Variants in SCARA3 observed in about 807,000 individuals in gnomAD.
SCARA3 encodes cellular stress response gene protein.
In SCARA3, 39 loss-of-function variants were observed where a neutral mutation model predicts 47.0. That is an observed-to-expected ratio of 0.83 (90% CI 0.64 to 1.08). The LOEUF (loss-of-function observed/expected upper bound fraction) is 1.08. Ranked by LOEUF, SCARA3 falls within the 50% of genes least tolerant of loss-of-function variation. SCARA3 has a pLI of 0.00. For synonymous variants in SCARA3, 356 were observed against 334.1 expected, an observed-to-expected ratio of 1.07 and a Z score of -0.71; for missense variants, 724 against 792.3, an observed-to-expected ratio of 0.91 and a Z score of 1.04.
chr8:27,647,356 G>A (rs1276194045), intron 1 of SCARA3, among the ~76,000 whole-genome samples: 5 of 152,120 alleles, frequency 3.3e-5, no homozygotes, highest in South Asian at 4.1e-4. Flanking sequence ...ATGTGAGAGC[G>A]CTTTCAAAGT....
chr8:27,700,855 C>T, the SCARA3 span, among the ~76,000 whole-genome samples: 2 of 152,112 alleles, frequency 1.3e-5, no homozygotes, highest in African/African-American at 4.8e-5. Flanking sequence ...GTGGTACAAC[C>T]CTTTTGGAAA....
downstream of SCARA3, among the ~76,000 whole-genome samples, chr8:27,676,316 C>T (rs760606293): frequency 2.0e-5 from 3 of 152,310 alleles, no homozygotes; most frequent in South Asian, 2.1e-4. Context: ...CTGGGTTTCC[C>T]GGTTCCAGCT....
At position 27,672,053 on chromosome 8, in the gene SCARA3, C is replaced by T. The variant is rs1802179004; in HGVS notation, c.*702C>T. The T allele has an allele frequency of 1.0e-6, 1 of 985,278 alleles. No individual in the cohort carries two copies. The highest frequency in any genetic ancestry group is 6.2e-5 in the Admixed American group (1 of 16,258). 61.0% of individuals were successfully genotyped at this position (985,278 alleles called of 1,614,324 possible). On this transcript the variant is annotated 3_prime_UTR_variant, in exon 6 of 6. Coordinates refer to ENST00000301904, the MANE Select transcript of SCARA3 (RefSeq NM_016240.3). The stretch of plus-strand genomic sequence containing the variant: ...GGAAACCTTTGCGGGTGGGGCGTTA[C>T]TGCCAAAACTCCAGAGGCAAAGTGG...
chr8:27,650,669 G>A (rs535261824), intron 2 of SCARA3, among the ~76,000 whole-genome samples: 9 of 152,286 alleles, frequency 5.9e-5, no homozygotes, highest in African/African-American at 1.9e-4. Flanking sequence ...TCGCAGCTGG[G>A]CCATCACTGC....
At chr8:27,674,307 TTGAG>T (rs1160577312), downstream of SCARA3, among the ~76,000 whole-genome samples, 1 of 152,204 alleles carries the variant, frequency 6.6e-6, no homozygotes, top group Admixed American at 6.5e-5. Flanking sequence ...GAGTGGGTGA[TTGAG>T]TGAGTTCCAT....
At chr8:27,649,575 C>T (rs186959841) in intron 1 of SCARA3, 127 bp from the exon 2 acceptor site, 2 of 857,952 alleles carry the variant, frequency 2.3e-6, no homozygotes, top group East Asian at 5.1e-5. Context: ...TTACATCAGG[C>T]CACCTGGAGC....
intron 5 of SCARA3, among the ~76,000 whole-genome samples, chr8:27,667,090 C>G (rs1229783983): frequency 6.6e-6 from 1 of 152,228 alleles, no homozygotes; most frequent in Non-Finnish European, 1.5e-5. Flanking sequence ...TCTAGCCCTT[C>G]TCTCCTCTGC....
rs889410385 is a variant in SCARA3 at position 27,647,087 on chromosome 8, T to G, written c.8-2615T>G. On this transcript the variant is annotated intron_variant, in intron 1 of 5. Transcript: ENST00000301904. ...CTTTGCCACTGCCCAGCTCTATGAC[T>G]TGAGCCAGGCATTAACAACCTCACA... Among the ~76,000 whole-genome samples the G allele has an allele frequency of 9.2e-5, 14 of 151,478 alleles. No homozygotes were observed. The East Asian group carries it at 2.2e-3, about 23-fold the overall frequency.
chr8:27,651,467 G>A, intron 2 of SCARA3, 41 bp from the exon 3 acceptor site: 1 of 1,600,880 alleles, frequency 6.2e-7, no homozygotes. Flanking sequence ...TCCAACCTGG[G>A]CCCCTGGCCT....
At chr8:27,647,471 G>A (rs866894149) in intron 1 of SCARA3, among the ~76,000 whole-genome samples, 1 of 152,208 alleles carries the variant, frequency 6.6e-6, no homozygotes, top group South Asian at 2.1e-4. Flanking sequence ...GAACTGCTGG[G>A]AAGCCTAATA....
At chr8:27,676,185 T>C (rs1279546631), downstream of SCARA3, among the ~76,000 whole-genome samples, 2 of 152,144 alleles carry the variant, frequency 1.3e-5, no homozygotes, top group Non-Finnish European at 2.9e-5. Context: ...AAAGGTGGCA[T>C]TGGAAATTAG....
At chr8:27,723,771 T>C in the SCARA3 span, among the ~76,000 whole-genome samples, 1 of 152,228 alleles carries the variant, frequency 6.6e-6, no homozygotes, top group Non-Finnish European at 1.5e-5. Context: ...AGTCTCGCTC[T>C]GTCTCCCAGG....
At position 27,659,354 on chromosome 8, in the gene SCARA3, A is replaced by G. The variant is rs1801839621; in HGVS notation, c.1184A>G (p.Glu395Gly). The G allele has an allele frequency of 6.2e-7, 1 of 1,614,074 alleles. No individual in the cohort carries two copies. The highest frequency in any genetic ancestry group is 8.5e-7 in the Non-Finnish European group (1 of 1,180,008). The change falls in exon 5 of 6, where the codon GAG becomes GGG. Residue 395 changes from glutamate to glycine, a missense_variant. By Grantham distance (98) the Glu-to-Gly change is moderately conservative. Transcript: ENST00000301904. ...CTLGFHTHAE[E>G]LYYLNKSVSI... ...CTGGGCTTCCACACCCATGCCGAGG[A>G]GCTCTACTACCTGAACAAGTCTGTC... is the stretch of plus-strand genomic sequence containing the variant.
chr8:27,700,195 A>C, the SCARA3 span, among the ~76,000 whole-genome samples: 1 of 152,200 alleles, frequency 6.6e-6, no homozygotes, highest in Non-Finnish European at 1.5e-5. Flanking sequence ...ATTCTTTAAA[A>C]TATCCCTTTA....
chr8:27,672,913 C>G lies in SCARA3; in HGVS notation c.*1562C>G, dbSNP rs1451606893. ...CACCCTCCTGACTGTCCTGGATGTGCAACTGGTTTGCACTGCACACCCCAC... is the reference window on the plus strand; with the variant it reads ...CACCCTCCTGACTGTCCTGGATGTGGAACTGGTTTGCACTGCACACCCCAC... On this transcript the variant is annotated 3_prime_UTR_variant, in exon 6 of 6. Coordinates refer to ENST00000301904, the MANE Select transcript of SCARA3 (RefSeq NM_016240.3). The G allele has an allele frequency of 2.0e-6, 2 of 985,660 alleles. No individual in the cohort carries two copies. The highest frequency in any genetic ancestry group is 2.4e-6 in the Non-Finnish European group (2 of 830,080). The allele number at this position is 985,660 out of a possible 1,614,324, so 61.1% of individuals were successfully genotyped here.
Position 27,634,140 on chromosome 8 carries a change from G to A in SCARA3, c.-61G>A. On this transcript the variant is annotated 5_prime_UTR_variant, in exon 1 of 6. Coordinates refer to ENST00000301904, the MANE Select transcript of SCARA3 (RefSeq NM_016240.3). ...CCCTGGAGGATCCGCCGGCCGCCCG[G>A]CTCCACTACAGCTCCAGCCGCCTGC... The A allele has an allele frequency of 6.9e-7, 1 of 1,443,572 alleles. No homozygotes were observed. The highest frequency in any genetic ancestry group is 9.1e-7 in the Non-Finnish European group (1 of 1,101,960). 89.4% of individuals were successfully genotyped at this position (1,443,572 alleles called of 1,614,324 possible). A position where few individuals can be genotyped will look rare whatever the true frequency, so the allele number is the denominator to read the frequency against.
the SCARA3 span, among the ~76,000 whole-genome samples, chr8:27,722,927 C>T: frequency 2.6e-5 from 4 of 152,110 alleles, no homozygotes; most frequent in Non-Finnish European, 4.4e-5. Flanking sequence ...GTGATATGGC[C>T]GCCCCACCTG....
chr8:27,710,229 CAAAAAA>C, the SCARA3 span, among the ~76,000 whole-genome samples: 2 of 105,074 alleles, frequency 1.9e-5, no homozygotes. Flanking sequence ...GACTCCGTCT[CAAAAAA>C]AAAAAAAAAA....
chr8:27,690,919 G>A, the SCARA3 span, among the ~76,000 whole-genome samples: 1 of 152,092 alleles, frequency 6.6e-6, no homozygotes, highest in Admixed American at 6.6e-5. Context: ...CCAGCATGAA[G>A]TGATCCTCCC....
Sources: gnomAD v4.1 joint callset for allele counts (sites outside exome capture counted in the v4.1 genomes callset) on GRCh38, gnomAD v4.1.1 for gene constraint, MANE v1.5 for transcripts, NCBI Gene and HGNC (gene_info 2026-07-23, HGNC 2026-07-21) for gene names.